The following PRIM2 variants were observed in gnomAD, a reference collection of about 807,000 sequenced individuals.
PRIM2 encodes the protein DNA primase large subunit.
A neutral mutation model predicts 67.3 loss-of-function variants in PRIM2; 39 were observed. That is an observed-to-expected ratio of 0.58 (90% confidence interval 0.45 to 0.76). The LOEUF (loss-of-function observed/expected upper bound fraction) is 0.76. PRIM2 is among the 30% of genes least tolerant of loss of function. PRIM2 has a pLI of 0.00. For synonymous variants in PRIM2, 143 were observed against 198.7 expected (o/e 0.72, Z 2.36); for missense variants, 398 against 598.7 (o/e 0.66, Z 3.50).
At chr6:57,641,485 A>G (rs1329621839) in intron 13 of PRIM2, among the ~76,000 whole-genome samples, 9 of 152,178 alleles carry the variant, frequency 5.9e-5, no homozygotes, top group Non-Finnish European at 1.3e-4. Context: ...TTTGCAATCT[A>G]TCCATCTGAC....
the PRIM2 span, among the ~76,000 whole-genome samples, chr6:57,252,203 C>T: frequency 1.3e-5 from 2 of 152,150 alleles, no homozygotes; most frequent in African/African-American, 4.8e-5. Context: ...TCTCTTGATT[C>T]TGTGATAAGC....
At chr6:57,341,678 T>C (rs796457632) in intron 5 of PRIM2, among the ~76,000 whole-genome samples, 6 of 152,362 alleles carry the variant, frequency 3.9e-5, no homozygotes, top group African/African-American at 1.4e-4. Context: ...TGAAAACTGC[T>C]ATAGCTAGTC....
intron 10 of PRIM2, among the ~76,000 whole-genome samples, chr6:57,571,520 G>C (rs1292239820): frequency 6.6e-6 from 1 of 152,000 alleles, no homozygotes; most frequent in Non-Finnish European, 1.5e-5. Context: ...GCATGGTGGC[G>C]TGGCCTGTAA....
chr6:57,458,642 G>T (rs1355421442), intron 7 of PRIM2, among the ~76,000 whole-genome samples: 1 of 152,102 alleles, frequency 6.6e-6, no homozygotes, highest in Non-Finnish European at 1.5e-5. Context: ...CCGAGGTTGC[G>T]CCATTGCACT....
At chr6:57,341,052 C>G (rs970822612) in intron 5 of PRIM2, among the ~76,000 whole-genome samples, 10 of 152,078 alleles carry the variant, frequency 6.6e-5, no homozygotes, top group African/African-American at 2.2e-4. Context: ...TATAATGAAC[C>G]TGTGCATTAA....
chr6:57,475,679 A>G (rs1773460278), intron 7 of PRIM2, among the ~76,000 whole-genome samples: 1 of 152,242 alleles, frequency 6.6e-6, no homozygotes, highest in African/African-American at 2.4e-5. Flanking sequence ...AATACAGGAC[A>G]TAATAGGCCC....
chr6:57,293,153 A>G, the PRIM2 span, among the ~76,000 whole-genome samples: 2,956 of 152,250 alleles, frequency 0.019, 107 homozygotes, highest in African/African-American at 0.066. Context: ...GAAAAAAACA[A>G]CCCCATCAAA....
chr6:57,287,807 C>T, the PRIM2 span, among the ~76,000 whole-genome samples: 1 of 152,042 alleles, frequency 6.6e-6, no homozygotes, highest in Non-Finnish European at 1.5e-5. Flanking sequence ...CAAGATTCTT[C>T]CAAGATGGCT....
chr6:57,308,154 A>G, the PRIM2 span, among the ~76,000 whole-genome samples: 1 of 150,844 alleles, frequency 6.6e-6, no homozygotes, highest in Non-Finnish European at 1.5e-5. Flanking sequence ...TTTTGAGACA[A>G]GGTCTTGCTG....
At chr6:57,291,936 C>G in the PRIM2 span, among the ~76,000 whole-genome samples, 3 of 152,122 alleles carry the variant, frequency 2.0e-5, no homozygotes, top group African/African-American at 4.8e-5. Context: ...AAAACCAGCA[C>G]AAGACAAGGA....
At chr6:57,337,622 A>G (rs1277710062) in intron 5 of PRIM2, among the ~76,000 whole-genome samples, 1 of 152,240 alleles carries the variant, frequency 6.6e-6, no homozygotes, top group African/African-American at 2.4e-5. Context: ...TGGGTATATA[A>G]TGAAATGAAG....
chr6:57,602,972 G>A (rs1776497143), intron 11 of PRIM2, among the ~76,000 whole-genome samples: 1 of 152,104 alleles, frequency 6.6e-6, no homozygotes, highest in Non-Finnish European at 1.5e-5. Flanking sequence ...ACACCACACT[G>A]GTACATGTGT....
chr6:57,345,078 T>A (rs1768624947), intron 5 of PRIM2, among the ~76,000 whole-genome samples: 1 of 147,566 alleles, frequency 6.8e-6, no homozygotes, highest in Non-Finnish European at 1.5e-5. Context: ...AAAAAAAAAG[T>A]ATGTCTTTAA....
chr6:57,549,080 A>G (rs1581984063), intron 10 of PRIM2, among the ~76,000 whole-genome samples: 2 of 152,182 alleles, frequency 1.3e-5, no homozygotes, highest in African/African-American at 4.8e-5. Flanking sequence ...TTACTAATGA[A>G]AAAACAGTAC....
At chr6:57,643,476 G>A (rs1777281778) in intron 13 of PRIM2, among the ~76,000 whole-genome samples, 1 of 152,144 alleles carries the variant, frequency 6.6e-6, no homozygotes. Context: ...TTAGGCCTCT[G>A]TACATGGAGG....
chr6:57,501,390 C>T (rs1554346868), intron 7 of PRIM2, among the ~76,000 whole-genome samples: 1,564 of 152,152 alleles, frequency 0.01, 15 homozygotes, highest in Non-Finnish European at 0.018. Flanking sequence ...ACCTCTGCCT[C>T]CTGGGTTCAA....
chr6:57,338,944 A>G (rs1175162069), intron 5 of PRIM2, among the ~76,000 whole-genome samples: 1 of 152,246 alleles, frequency 6.6e-6, no homozygotes, highest in Non-Finnish European at 1.5e-5. Context: ...ATGATTGTAT[A>G]TCTAGAAAAC....
chr6:57,382,835 T>A (rs1352768569), intron 7 of PRIM2: 1 of 152,208 alleles, frequency 6.6e-6, no homozygotes, highest in Non-Finnish European at 1.5e-5. Flanking sequence ...TTCAAAGGTT[T>A]GTGACATGGC....
chr6:57,294,872 C>T, the PRIM2 span, among the ~76,000 whole-genome samples: 2 of 150,668 alleles, frequency 1.3e-5, no homozygotes, highest in Admixed American at 6.6e-5. Context: ...TGCAGTGGCA[C>T]GATCTCAGCT....
Sources: allele counts gnomAD v4.1 joint callset (sites outside exome capture counted in the v4.1 genomes callset), GRCh38; gene constraint gnomAD v4.1.1; transcripts MANE v1.5; gene names NCBI Gene and HGNC (gene_info 2026-07-23, HGNC 2026-07-21).